POR: variants seen among roughly 807,000 people sequenced by gnomAD.
The protein encoded by POR is NADPH--cytochrome P450 reductase.
In POR, 56 loss-of-function variants were observed where a neutral mutation model predicts 84.0. The observed-to-expected ratio is 0.67, with a 90% confidence interval of 0.54 to 0.83. The LOEUF is 0.83. Ranked by LOEUF, POR falls within the 40% of genes least tolerant of loss-of-function variation. The probability of loss-of-function intolerance (pLI) is 0.00; values close to 1 mark genes in which losing one functional copy is unlikely to be tolerated. For missense variants in POR, 938 were observed against 944.3 expected (o/e 0.99, Z 0.09); for synonymous variants, 414 against 400.5 (o/e 1.03, Z -0.40).
At chr7:75,971,851 G>A (rs6953065) in intron 2 of POR, among the ~76,000 whole-genome samples, 48,078 of 151,824 alleles carry the variant, frequency 0.32, 8,351 homozygotes, top group Non-Finnish European at 0.38. Flanking sequence ...GTGTGAATTA[G>A]GCATCAAGCT....
chr7:75,932,306 G>C (rs113621467), intron 1 of POR, among the ~76,000 whole-genome samples: 35 of 151,822 alleles, frequency 2.3e-4, no homozygotes, highest in African/African-American at 7.0e-4. Flanking sequence ...TCAGCCCCCC[G>C]AGTAGCTAGA....
chr7:75,937,781 TA>T (rs1262180647), intron 1 of POR, among the ~76,000 whole-genome samples: 24 of 144,714 alleles, frequency 1.7e-4, no homozygotes, highest in Non-Finnish European at 1.5e-4. Flanking sequence ...AAACTCCATC[TA>T]AAAAAAAAAA....
intron 1 of POR, among the ~76,000 whole-genome samples, chr7:75,917,554 A>T (rs1554548214): frequency 6.6e-6 from 1 of 152,108 alleles, no homozygotes; most frequent in Non-Finnish European, 1.5e-5. Context: ...TCAATTGAGC[A>T]TGTTGGGATT....
intron 4 of POR, 106 bp downstream of exon 4, chr7:75,979,685 C>T (rs1352003961): frequency 1.3e-6 from 2 of 1,483,484 alleles, no homozygotes; most frequent in Admixed American, 3.7e-5. Context: ...GAGTGGGGTC[C>T]TGGGAAGACG....
intron 2 of POR, among the ~76,000 whole-genome samples, chr7:75,968,828 G>A (rs1283166644): frequency 6.6e-6 from 1 of 152,178 alleles, no homozygotes; most frequent in African/African-American, 2.4e-5. Flanking sequence ...CCACTCCCAG[G>A]GCCAGCCAGC....
intron 1 of POR, among the ~76,000 whole-genome samples, chr7:75,930,616 G>A (rs1013465896): frequency 1.3e-5 from 2 of 152,060 alleles, no homozygotes; most frequent in Non-Finnish European, 1.5e-5. Flanking sequence ...TCCACCTCCC[G>A]GGTTCAAGTG....
At chr7:75,951,531 T>C (rs1787421116) in intron 1 of POR, among the ~76,000 whole-genome samples, 1 of 152,224 alleles carries the variant, frequency 6.6e-6, no homozygotes, top group African/African-American at 2.4e-5. Flanking sequence ...CAGCAGGTTG[T>C]GTAGCAGTAG....
chr7:75,983,352 A>G, intron 8 of POR, 168 bp from the exon 9 acceptor site: 3 of 541,014 alleles, frequency 5.5e-6, no homozygotes, highest in Admixed American at 3.4e-5. Flanking sequence ...AAAAAAAAAA[A>G]GAGAACTGCA....
chr7:75,941,353 G>A (rs1018439118), intron 1 of POR, among the ~76,000 whole-genome samples: 3 of 152,140 alleles, frequency 2.0e-5, no homozygotes, highest in African/African-American at 4.8e-5. Context: ...CACGTATTCC[G>A]GAAGTATTTC....
chr7:75,966,144 A>G (rs1446248270), intron 2 of POR, among the ~76,000 whole-genome samples: 1 of 152,158 alleles, frequency 6.6e-6, no homozygotes, highest in Non-Finnish European at 1.5e-5. Flanking sequence ...AGCTTCTTGA[A>G]TGCTAGCCAG....
intron 3 of POR, among the ~76,000 whole-genome samples, chr7:75,978,185 A>G (rs571989595): frequency 9.9e-5 from 15 of 152,242 alleles, no homozygotes; most frequent in Non-Finnish European, 2.1e-4. Flanking sequence ...AAGAAAATAC[A>G]TATGTATGTT....
At chr7:75,957,286 G>A (rs1180177267) in intron 2 of POR, among the ~76,000 whole-genome samples, 1 of 152,176 alleles carries the variant, frequency 6.6e-6, no homozygotes. Flanking sequence ...ACACCCTGAA[G>A]CTGAAAGGAC....
At chr7:75,935,286 G>A (rs1460330741) in intron 1 of POR, among the ~76,000 whole-genome samples, 13 of 152,048 alleles carry the variant, frequency 8.5e-5, no homozygotes. Flanking sequence ...ACTATGGGAG[G>A]CCGAGGTGGG....
Position 75,954,045 on chromosome 7 carries a change from C to A in POR, c.53C>A (p.Ala18Glu). ...GACACCAGCTCCACCGTGTCCGAGG[C>A]GGTGGCCGAAGAAGTATCTCTTTTC... is the stretch of plus-strand genomic sequence containing the variant. Residue 18 changes from alanine (A) to glutamate (E), a missense_variant, in exon 2 of 16, where the codon GCG becomes GAG. Physicochemically the swap from Ala to Glu is moderately radical, Grantham distance 107 (BLOSUM62 -1). Transcript: ENST00000461988. The A allele has an allele frequency of 6.2e-7, 1 of 1,610,176 alleles. No homozygotes were observed. Among genetic ancestry groups the A allele is most frequent in the Non-Finnish European group, 8.5e-7 (1 of 1,178,182 alleles).
At chr7:75,980,755 G>A in intron 5 of POR, 1 of 1,451,640 alleles carries the variant, frequency 6.9e-7, no homozygotes, top group Non-Finnish European at 9.1e-7. Context: ...ACTGAGACCT[G>A]CCTGGCCTCG....
At chr7:75,982,432 C>G (rs1404642551) in intron 8 of POR, 110 bp downstream of exon 8, 24 of 910,462 alleles carry the variant, frequency 2.6e-5, no homozygotes, top group Non-Finnish European at 3.6e-5. Context: ...CTCACCAGAC[C>G]CCGTGCCCCG....
At position 75,985,088 on chromosome 7, in the gene POR, C is replaced by T. The variant is rs782197760; in HGVS notation, c.1279C>T (p.Arg427Trp). Residue 427 changes from arginine to tryptophan, a missense_variant, in exon 12 of 16, where the codon CGG becomes TGG. Arg to Trp is a moderately radical substitution (Grantham distance 101, BLOSUM62 -3). Coordinates refer to ENST00000461988, the MANE Select transcript of POR (RefSeq NM_000941.3). ...GTACCTGAGCTGGGTGGTGGAGGCC[C>T]GGAGGCACATCCTGGCCATCCTGCA... The T allele has an allele frequency of 8.1e-6, 13 of 1,599,686 alleles. No individual in the cohort carries two copies. Among genetic ancestry groups the T allele is most frequent in the East Asian group, 6.7e-5 (3 of 44,866 alleles).
At chr7:75,953,867 C>A in intron 1 of POR, 122 bp from the exon 2 acceptor site, 1 of 735,852 alleles carries the variant, frequency 1.4e-6, no homozygotes, top group Non-Finnish European at 2.2e-6. Context: ...TCTCCTACCC[C>A]GTGCAGTGAC....
intron 1 of POR, among the ~76,000 whole-genome samples, chr7:75,937,291 C>CAAA (rs1227123390): frequency 3.0e-5 from 2 of 66,258 alleles, no homozygotes; most frequent in Non-Finnish European, 2.9e-5. Flanking sequence ...CCCATCTCTA[C>CAAA]AAAAAAAAAA....
Sources: allele counts gnomAD v4.1 joint callset (sites outside exome capture counted in the v4.1 genomes callset), GRCh38; gene constraint gnomAD v4.1.1; transcripts MANE v1.5; gene names NCBI Gene and HGNC (gene_info 2026-07-23, HGNC 2026-07-21).